The following AAAS variants were observed in gnomAD, a reference collection of about 807,000 sequenced individuals.
The protein encoded by AAAS is aladin WD repeat nucleoporin.
A neutral mutation model predicts 75.6 loss-of-function variants in AAAS; 60 were observed. The observed-to-expected ratio is 0.79, with a 90% CI of 0.64 to 0.98. The LOEUF is 0.98. Among genes scored for constraint, AAAS ranks in the 50% least tolerant of loss-of-function variants. The pLI is 0.00. For synonymous variants in AAAS, 271 were observed against 265.0 expected, an observed-to-expected ratio of 1.02 and a Z score of -0.22; for missense variants, 658 against 686.9, an observed-to-expected ratio of 0.96 and a Z score of 0.47.
Position 53,308,976 on chromosome 12 carries a change from AGAG to A in AAAS, c.977_979del (p.Thr326_Leu327delinsIle), listed in dbSNP as rs1944342624. 9 of 1,614,114 alleles carry A rather than the reference AGAG, an allele frequency of 5.6e-6. No homozygotes were observed. In the South Asian group the frequency reaches 8.8e-5, roughly 16 times the overall value. On this transcript the variant is annotated inframe_deletion, in exon 10 of 16. Coordinates refer to ENST00000209873, the MANE Select transcript of AAAS (RefSeq NM_015665.6). Reference sequence around the variant, plus strand: ...CCCTCTTACCTGACAGCGCCCTGATAGAGTAGGCCACCTCTCACAAGTCCACAT... The same window carrying A: ...CCCTCTTACCTGACAGCGCCCTGATATAGGCCACCTCTCACAAGTCCACAT...
In AAAS at chr12:53,309,705, C is replaced by A. The variant is rs576095547; in HGVS notation, c.706G>T (p.Ala236Ser). The change falls in exon 8 of 16, where the codon GCC becomes TCC. Residue 236 changes from alanine to serine, a missense_variant. Coordinates refer to ENST00000209873, the MANE Select transcript of AAAS (RefSeq NM_015665.6). ...TGCCCAGGGTGAGACAGCACTTGGG[C>A]ACAGCCAGAAGAGGGTCTGGAGGGG... ...SLSTRPSSGCAQVLSHPGHTP... is the reference protein window; with the variant it reads ...SLSTRPSSGCSQVLSHPGHTP... 6.2e-7 allele frequency: 1 copy of A among 1,613,264 alleles called. No homozygotes were observed. The highest frequency in any genetic ancestry group is 2.2e-5 in the East Asian group (1 of 44,868).
At position 53,308,339 on chromosome 12, in the gene AAAS, C is replaced by G. The variant is rs562523449; in HGVS notation, c.1192G>C (p.Glu398Gln). 1 of 1,614,198 alleles carries G rather than the reference C, an allele frequency of 6.2e-7. No individual in the cohort carries two copies. The highest frequency in any genetic ancestry group is 1.3e-5 in the African/African-American group (1 of 75,046). The stretch of plus-strand genomic sequence containing the variant: ...GGGTCCCAGACCATGGAGTGAGCCT[C>G]TCCCCCAAGCCTGTGGGTAAGGACA... The part of the protein sequence containing the change: ...TPDGEERLGG[E>Q]AHSMVWDPSG... Residue 398 changes from glutamate to glutamine, a missense_variant, in exon 13 of 16, where the codon GAG becomes CAG. Transcript: ENST00000209873.
chr12:53,310,558 C>CAAA (rs939524283), intron 7 of AAAS, among the ~76,000 whole-genome samples: 1 of 76,420 alleles, frequency 1.3e-5, no homozygotes, highest in Non-Finnish European at 2.7e-5. Flanking sequence ...GACTCCGTCT[C>CAAA]AAAAAAAAAA....
In AAAS at chr12:53,308,502, C is replaced by T. The variant is rs1944332117; in HGVS notation, c.1114G>A (p.Ala372Thr). 6.2e-7 allele frequency: 1 copy of T among 1,614,086 alleles called. No individual in the cohort carries two copies. Among genetic ancestry groups the T allele is most frequent in the Non-Finnish European group, 8.5e-7 (1 of 1,180,052 alleles). Residue 372 changes from alanine to threonine, a missense_variant, in exon 12 of 16, where the codon GCA (alanine) becomes ACA (threonine). Transcript: ENST00000209873. ...TCTGCCACAATCGTTGCTGACTTTG[C>T]ACCTCCAACGCACCCCTTTCCCTCA... ...CGEGKGCVGG[A>T]KSATIVADLS... is the part of the protein sequence containing the mutation.
At chr12:53,321,263 T>A in intron 1 of AAAS, 80 bp downstream of exon 1, 1 of 1,573,240 alleles carries the variant, frequency 6.4e-7, no homozygotes, top group Non-Finnish European at 8.6e-7. Context: ...ACCCTGCCCC[T>A]GTCACACTGC....
At chr12:53,320,433 T>G in intron 2 of AAAS, 132 bp downstream of exon 2, 1 of 1,286,270 alleles carries the variant, frequency 7.8e-7, no homozygotes, top group Non-Finnish European at 1.1e-6. Context: ...TTTCATATGA[T>G]TTAGGATATA....
At position 53,315,770 on chromosome 12, in the gene AAAS, G is replaced by A; in HGVS notation, c.264C>T (p.Gly88=). The A allele has an allele frequency of 6.2e-7, 1 of 1,613,820 alleles. No individual in the cohort carries two copies. The highest frequency in any genetic ancestry group is 8.5e-7 in the Non-Finnish European group (1 of 1,179,920). Residue 88 remains glycine (G), a synonymous_variant, in exon 3 of 16, where the codon GGC becomes GGT. Transcript: ENST00000209873. Reference sequence around the variant, plus strand: ...CAATTTCATTTAGCACCCCAAAAAGGCCCACATCACGCCTGATAAGGGAGG... The same window carrying A: ...CAATTTCATTTAGCACCCCAAAAAGACCCACATCACGCCTGATAAGGGAGG... ...KRCINIWRDV[G]LFGVLNEIAN... is the part of the protein sequence containing the mutation.
chr12:53,320,507 T>C (rs778882523), intron 2 of AAAS, 58 bp downstream of exon 2: 1 of 1,611,182 alleles, frequency 6.2e-7, no homozygotes, highest in Non-Finnish European at 8.5e-7. Context: ...AAAGGGGTGT[T>C]GACTCATTTT....
intron 7 of AAAS, 50 bp downstream of exon 7, chr12:53,314,248 T>C: frequency 6.2e-7 from 1 of 1,613,034 alleles, no homozygotes; most frequent in Non-Finnish European, 8.5e-7. Flanking sequence ...CCACCATGCC[T>C]AGCATTGCAC....
At chr12:53,309,085 C>T (rs1592513084) in intron 9 of AAAS, 65 bp from the exon 10 acceptor site, 1 of 1,614,196 alleles carries the variant, frequency 6.2e-7, no homozygotes, top group Non-Finnish European at 8.5e-7. Flanking sequence ...ACCTACCTCC[C>T]TTGACAGAGC....
chr12:53,311,050 C>T (rs935765059), intron 7 of AAAS, among the ~76,000 whole-genome samples: 1 of 152,146 alleles, frequency 6.6e-6, no homozygotes, highest in Non-Finnish European at 1.5e-5. Flanking sequence ...AGTCCTGAGG[C>T]TCCTGCCTCA....
intron 7 of AAAS, among the ~76,000 whole-genome samples, chr12:53,311,181 C>A (rs1451529779): frequency 1.3e-5 from 2 of 152,124 alleles, no homozygotes; most frequent in Admixed American, 6.6e-5. Flanking sequence ...TAGGCTCAAG[C>A]GATCCATCTG....
At chr12:53,308,550 G>C (rs202149640) in intron 11 of AAAS, 22 bp from the exon 12 acceptor site, 2 of 1,613,908 alleles carry the variant, frequency 1.2e-6, no homozygotes, top group Non-Finnish European at 1.7e-6. Flanking sequence ...TAAGAGCAGA[G>C]AGGTTCTTGC....
intron 2 of AAAS, among the ~76,000 whole-genome samples, chr12:53,319,432 A>G (rs1432280632): frequency 6.6e-6 from 1 of 152,200 alleles, no homozygotes; most frequent in East Asian, 1.9e-4. Context: ...TACTAAGCTC[A>G]AGCAATCTGC....
Position 53,307,937 on chromosome 12 carries a change from A to G in AAAS, c.1332-8T>C. 1 of 1,614,116 alleles carries G rather than the reference A, an allele frequency of 6.2e-7. No homozygotes were observed. Among genetic ancestry groups the G allele is most frequent in the Non-Finnish European group, 8.5e-7 (1 of 1,179,968 alleles). On this transcript the variant is annotated splice_region_variant and splice_polypyrimidine_tract_variant and intron_variant, in intron 14 of 15. Coordinates refer to ENST00000209873, the MANE Select transcript of AAAS (RefSeq NM_015665.6). ...TCCCCCTGGATAATGCCACTAGAAGAAAAGGTGAGCAGGCAACCGGAGGCA... is the reference window on the plus strand; with the variant it reads ...TCCCCCTGGATAATGCCACTAGAAGGAAAGGTGAGCAGGCAACCGGAGGCA...
intron 2 of AAAS, among the ~76,000 whole-genome samples, chr12:53,316,764 CAAA>C (rs34520642): frequency 3.0e-4 from 23 of 77,186 alleles, no homozygotes; most frequent in African/African-American, 1.3e-3. Context: ...CCATCTCAGA[CAAA>C]AAAAAAAAAA....
At position 53,321,537 on chromosome 12, in the gene AAAS, T is replaced by C; in HGVS notation, c.-72A>G. The C allele has an allele frequency of 6.2e-7, 1 of 1,608,904 alleles. No homozygotes were observed. The highest frequency in any genetic ancestry group is 8.5e-7 in the Non-Finnish European group (1 of 1,179,350). ...ACGGCACAGACCGCACTCCCGCAAC[T>C]CGGTTCCCGGGCTAGATTCGTATGC... On this transcript the variant is annotated 5_prime_UTR_variant, in exon 1 of 16. Transcript: ENST00000209873.
At chr12:53,315,889 T>G (rs1944454903) in intron 2 of AAAS, 107 bp from the exon 3 acceptor site, 1 of 1,221,236 alleles carries the variant, frequency 8.2e-7, no homozygotes, top group East Asian at 2.5e-5. Context: ...GCACTCACAT[T>G]TAATGAGTGC....
intron 7 of AAAS, among the ~76,000 whole-genome samples, chr12:53,313,611 ATT>A (rs113763735): frequency 6.6e-5 from 9 of 137,330 alleles, no homozygotes; most frequent in South Asian, 2.3e-4. Context: ...TTTATTCATA[ATT>A]TTTTTTTTTT....
Sources: gnomAD v4.1 joint callset for allele counts (sites outside exome capture counted in the v4.1 genomes callset) on GRCh38, gnomAD v4.1.1 for gene constraint, MANE v1.5 for transcripts, NCBI Gene and HGNC (gene_info 2026-07-23, HGNC 2026-07-21) for gene names.